The following PLCG1 variants were observed in gnomAD, a reference collection of about 807,000 sequenced individuals.
PLCG1 encodes 1-phosphatidylinositol 4,5-bisphosphate phosphodiesterase gamma-1.
A neutral mutation model predicts 177.8 loss-of-function variants in PLCG1; 71 were observed. The ratio of observed to expected loss-of-function variants is 0.40; its 90% confidence interval spans 0.33 to 0.49. The LOEUF (loss-of-function observed/expected upper bound fraction) is 0.49. Ranked by LOEUF, PLCG1 falls within the 20% of genes least tolerant of loss-of-function variation. PLCG1 has a pLI of 0.72. For missense variants in PLCG1, 1,281 were observed against 1,709.0 expected, an observed-to-expected ratio of 0.75 and a Z score of 4.42; for synonymous variants, 658 against 647.9, an observed-to-expected ratio of 1.02 and a Z score of -0.24.
At chr20:41,169,829 C>T (rs1292409755) in intron 23 of PLCG1, among the ~76,000 whole-genome samples, 2 of 152,156 alleles carry the variant, frequency 1.3e-5, no homozygotes, top group Non-Finnish European at 1.5e-5. Context: ...AGGGATGTGA[C>T]AGAGGCTTGG....
chr20:41,153,382 C>G lies in PLCG1; in HGVS notation c.218-6224C>G, dbSNP rs920594075. On this transcript the variant is annotated intron_variant, in intron 1 of 31. Transcript: ENST00000685551. The surrounding 1 kb of genome is among the most constrained non-coding windows in gnomAD (Gnocchi z 5.1). ...TTCCTACTCATCTGCAGCCTCAAAC[C>G]CTTGGGCTCAAGTGATCTTTCCCAC... Among the ~76,000 whole-genome samples the G allele has an allele frequency of 3.2e-4, 49 of 152,226 alleles. 1 individual carries two copies. Among genetic ancestry groups the G allele is most frequent in the African/African-American group, 1.2e-3 (49 of 41,548 alleles).
At position 41,164,070 on chromosome 20, in the gene PLCG1, T is replaced by C. The variant is rs1426872120; in HGVS notation, c.1097-11T>C. 1.2e-6 allele frequency: 2 copies of C among 1,614,148 alleles called. No homozygotes were observed. The highest frequency in any genetic ancestry group is 1.7e-6 in the Non-Finnish European group (2 of 1,180,016). ...GCCTGCCCGCTTGACCATGGTGATGTTGCTCCCCAGTGGACTGCTGGGACG... is the reference window on the plus strand; with the variant it reads ...GCCTGCCCGCTTGACCATGGTGATGCTGCTCCCCAGTGGACTGCTGGGACG... On this transcript the variant is annotated splice_polypyrimidine_tract_variant and intron_variant, in intron 11 of 31. Transcript: ENST00000685551. The surrounding 1 kb of genome is among the most constrained non-coding windows in gnomAD (Gnocchi z 6.4).
chr20:41,161,455 A>G (rs1036506862), intron 4 of PLCG1, among the ~76,000 whole-genome samples: 2 of 152,148 alleles, frequency 1.3e-5, no homozygotes, highest in African/African-American at 4.8e-5. Context: ...AGCTGTTCGT[A>G]TGCTGATGGG....
At chr20:41,169,719 T>G in intron 23 of PLCG1, 193 bp downstream of exon 23, 1 of 596,944 alleles carries the variant, frequency 1.7e-6, no homozygotes, top group Non-Finnish European at 3.0e-6. Context: ...GACCCCTGCA[T>G]GTTTACCTAT....
chr20:41,137,858 A>G lies in PLCG1; in HGVS notation c.217A>G (p.Ile73Val), dbSNP rs1441973031. ...GGGCGCCGACAAGATCGAGGGGGCC[A>G]GTAAGTGCGCCCACTTCCTGCCTGG... Reference protein sequence around the residue: ...SRGADKIEGAIDIREIKEIRP... With the variant: ...SRGADKIEGAVDIREIKEIRP... The change falls in exon 1 of 32, where the codon ATT becomes GTT. Residue 73 changes from isoleucine (I) to valine (V), a missense_variant and splice_region_variant. Physicochemically the swap from Ile to Val is conservative, Grantham distance 29. Around this residue, in one of 4 missense-constraint regions of PLCG1, gnomAD observed 374 missense variants for 443.8 expected, o/e 0.84. Coordinates refer to ENST00000685551, the MANE Select transcript of PLCG1 (RefSeq NM_002660.3). The surrounding 1 kb of genome is among the most constrained non-coding windows in gnomAD (Gnocchi z 7.3). 6 of 1,276,832 alleles carry G rather than the reference A, an allele frequency of 4.7e-6. No individual in the cohort carries two copies. Among genetic ancestry groups the G allele is most frequent in the Non-Finnish European group, 6.0e-6 (6 of 1,004,258 alleles). The allele number at this position is 1,276,832 out of a possible 1,614,324, so 79.1% of individuals were successfully genotyped here.
At chr20:41,161,358 T>C (rs913828228) in intron 4 of PLCG1, among the ~76,000 whole-genome samples, 15 of 151,682 alleles carry the variant, frequency 9.9e-5, no homozygotes, top group Non-Finnish European at 1.5e-4. Flanking sequence ...TTGCAAGGAG[T>C]TTTGCTATGG....
Position 41,150,862 on chromosome 20 carries a change from G to A in PLCG1, c.218-8744G>A, listed in dbSNP as rs992191248. 3.9e-5 allele frequency among the ~76,000 whole-genome samples: 6 copies of A among 152,154 alleles called. No individual in the cohort carries two copies. The highest frequency in any genetic ancestry group is 1.2e-4 in the African/African-American group (5 of 41,432). Reference sequence around the variant, plus strand: ...CAGACACCTCCCTGTTGTTCTACTCGTTGCATGACCTCATAGTTATCTGCT... The same window carrying A: ...CAGACACCTCCCTGTTGTTCTACTCATTGCATGACCTCATAGTTATCTGCT... On this transcript the variant is annotated intron_variant, in intron 1 of 31. Transcript: ENST00000685551. The surrounding 1 kb of genome is among the most constrained non-coding windows in gnomAD (Gnocchi z 4.0).
rs760443722 is a variant in PLCG1 at position 41,159,689 on chromosome 20, C to T, written c.301C>T (p.Pro101Ser). 6.2e-7 allele frequency: 1 copy of T among 1,614,106 alleles called. No homozygotes were observed. The highest frequency in any genetic ancestry group is 8.5e-7 in the Non-Finnish European group (1 of 1,180,060). Reference protein sequence around the residue: ...DRYQEDPAFRPDQSHCFVILY... With the variant: ...DRYQEDPAFRSDQSHCFVILY... ...CTATCAAGAGGACCCAGCTTTCCGG[C>T]CGGACCAGTCACATTGCTTTGTCAT... Residue 101 changes from proline (P) to serine (S), a missense_variant, in exon 2 of 32, where the codon CCG (proline) becomes TCG (serine). Pro to Ser is a moderately conservative substitution (Grantham distance 74). This residue lies in a region of PLCG1 where 374 missense variants were observed against 443.8 expected (regional missense o/e 0.84). Transcript: ENST00000685551. This position sits in a 1 kb window ranked among gnomAD's most constrained non-coding sequence, Gnocchi z 6.0.
intron 1 of PLCG1, among the ~76,000 whole-genome samples, chr20:41,138,616 G>A (rs1312009517): frequency 6.6e-6 from 1 of 151,974 alleles, no homozygotes; most frequent in Non-Finnish European, 1.5e-5. Flanking sequence ...GCCCCATAAA[G>A]GCCTGCCCCA....
intron 4 of PLCG1, among the ~76,000 whole-genome samples, chr20:41,161,792 G>A (rs2035506797): frequency 6.6e-6 from 1 of 151,456 alleles, no homozygotes; most frequent in South Asian, 2.1e-4. Context: ...CTGTTGCCAG[G>A]TCCAGCAGTG....
chr20:41,165,652 C>G lies in PLCG1; in HGVS notation c.1625C>G (p.Thr542Arg), dbSNP rs1389838883. 3 of 1,613,544 alleles carry G rather than the reference C, an allele frequency of 1.9e-6. No individual in the cohort carries two copies. The South Asian group carries it at 3.3e-5, about 18-fold the overall frequency. Reference sequence around the variant, plus strand: ...TTCCCCTGACAGGTCAGCAGCAGCACAGAGCTGCACTCCAATGAGAAGTGG... The same window carrying G: ...TTCCCCTGACAGGTCAGCAGCAGCAGAGAGCTGCACTCCAATGAGAAGTGG... ...EEEPKEVSSSTELHSNEKWFH... is the reference protein window; with the variant it reads ...EEEPKEVSSSRELHSNEKWFH... The change falls in exon 16 of 32, where the codon ACA (threonine) becomes AGA (arginine). Residue 542 changes from threonine (T) to arginine (R), a missense_variant. Transcript: ENST00000685551. The surrounding 1 kb of genome is among the most constrained non-coding windows in gnomAD (Gnocchi z 6.6).
intron 4 of PLCG1, among the ~76,000 whole-genome samples, chr20:41,161,129 C>T (rs1448765181): frequency 6.6e-6 from 1 of 152,030 alleles, no homozygotes; most frequent in Admixed American, 6.5e-5. Flanking sequence ...AGGGCAGGGT[C>T]CAGTGGCTGA....
chr20:41,175,190 C>G lies in PLCG1; in HGVS notation c.*681C>G, dbSNP rs1369136062. 2.0e-5 allele frequency: 3 copies of G among 152,564 alleles called. No homozygotes were observed. The highest frequency in any genetic ancestry group is 6.5e-5 in the Admixed American group (1 of 15,286). 9.5% of individuals were successfully genotyped at this position (152,564 alleles called of 1,614,324 possible). On this transcript the variant is annotated 3_prime_UTR_variant, in exon 32 of 32. Coordinates refer to ENST00000685551, the MANE Select transcript of PLCG1 (RefSeq NM_002660.3). ...GGTATTGTAACTAAGTTATTTACTC[C>G]TCCTGCTCCTCACCCCTGTAGGGAA...
chr20:41,163,915 A>G lies in PLCG1; in HGVS notation c.1011-6A>G, dbSNP rs1381155684. 6.2e-7 allele frequency: 1 copy of G among 1,613,794 alleles called. No individual in the cohort carries two copies. The highest frequency in any genetic ancestry group is 8.5e-7 in the Non-Finnish European group (1 of 1,179,902). On this transcript the variant is annotated splice_region_variant and splice_polypyrimidine_tract_variant and intron_variant, in intron 10 of 31. Coordinates refer to ENST00000685551, the MANE Select transcript of PLCG1 (RefSeq NM_002660.3). The surrounding 1 kb of genome is among the most constrained non-coding windows in gnomAD (Gnocchi z 5.2). ...CATACCTACCTGCCTCTCCTTGCCT[A>G]TCCAGGTACCTGACCGGGGACCAGT...
chr20:41,162,330 C>T, intron 4 of PLCG1, 122 bp from the exon 5 acceptor site: 1 of 673,164 alleles, frequency 1.5e-6, no homozygotes, highest in East Asian at 3.1e-5. Context: ...CAGTCTTGCC[C>T]TCAGGCCTCC....
rs1287680894 is a variant in PLCG1 at position 41,163,749 on chromosome 20, T to C, written c.926T>C (p.Val309Ala). Residue 309 changes from valine to alanine, a missense_variant, in exon 10 of 32, where the codon GTG (valine) becomes GCG (alanine). Transcript: ENST00000685551. This position sits in a 1 kb window ranked among gnomAD's most constrained non-coding sequence, Gnocchi z 5.2. The part of the protein sequence containing the change: ...VTFLFSKENS[V>A]WNSQLDAVCP... ...TTCCTGTTCTCCAAAGAGAACAGTG[T>C]GTGGAACTCGCAGCTGGATGCAGTA... 1 of 1,613,274 alleles carries C rather than the reference T, an allele frequency of 6.2e-7. No individual in the cohort carries two copies. Among genetic ancestry groups the C allele is most frequent in the Admixed American group, 1.7e-5 (1 of 60,026 alleles).
rs1048931658 is a variant in PLCG1, at chr20:41,175,750, C to G, written c.*1241C>G. 1.3e-5 allele frequency: 2 copies of G among 152,612 alleles called. No homozygotes were observed. The highest frequency in any genetic ancestry group is 4.8e-5 in the African/African-American group (2 of 41,432). The allele number at this position is 152,612 out of a possible 1,614,324, so 9.5% of individuals were successfully genotyped here. ...TGACTTGTATGCTCTTTCGGGGGCT[C>G]AGGAAAGCCTGTTGCATGGGACATG... On this transcript the variant is annotated 3_prime_UTR_variant, in exon 32 of 32. Coordinates refer to ENST00000685551, the MANE Select transcript of PLCG1 (RefSeq NM_002660.3).
intron 20 of PLCG1, 106 bp downstream of exon 20, chr20:41,168,035 G>A (rs1285801415): frequency 4.8e-6 from 4 of 833,992 alleles, no homozygotes; most frequent in Non-Finnish European, 7.9e-6. Flanking sequence ...AGAAGTGGTG[G>A]TTGTGGTTTT....
chr20:41,144,395 C>T lies in PLCG1; in HGVS notation c.217+6537C>T, dbSNP rs574269041. Among the ~76,000 whole-genome samples, 4 of 152,332 alleles carry T rather than the reference C, an allele frequency of 2.6e-5. No individual in the cohort carries two copies. Among genetic ancestry groups the T allele is most frequent in the African/African-American group, 9.6e-5 (4 of 41,558 alleles). On this transcript the variant is annotated intron_variant, in intron 1 of 31. Coordinates refer to ENST00000685551, the MANE Select transcript of PLCG1 (RefSeq NM_002660.3). This position sits in a 1 kb window ranked among gnomAD's most constrained non-coding sequence, Gnocchi z 4.1. ...GCCACATGTGTTTGACCAGCCTAGA[C>T]TTCCATCTGTGGACAAGCTGGACTC...
Sources: gnomAD v4.1 joint callset for allele counts (sites outside exome capture counted in the v4.1 genomes callset) on GRCh38, gnomAD v4.1.1 for gene constraint, gnomAD v4.1.1 regional missense constraint, Gnocchi (gnomAD v3.1) non-coding constraint, MANE v1.5 for transcripts, NCBI Gene and HGNC (gene_info 2026-07-23, HGNC 2026-07-21) for gene names.